The following GRAP variants were observed in gnomAD, a reference collection of about 807,000 sequenced individuals.
The protein encoded by GRAP is GRB2-related adapter protein.
A neutral mutation model predicts 9.1 loss-of-function variants in GRAP; 2 were observed. That is an observed-to-expected ratio of 0.22 (90% confidence interval 0.09 to 0.69). The LOEUF is 0.69. Ranked by LOEUF, GRAP falls within the 30% of genes least tolerant of loss-of-function variation. The pLI is 0.81. For synonymous variants in GRAP, 68 were observed against 73.6 expected (o/e 0.92, Z 0.39); for missense variants, 113 against 179.4 (o/e 0.63, Z 2.12).
rs1181979517 is a variant in GRAP at position 19,024,216 on chromosome 17, T to C, written c.467A>G (p.Lys156Arg). Residue 156 changes from lysine to arginine, a missense_variant and splice_region_variant, in exon 4 of 5, where the codon AAG becomes AGG. By Grantham distance (26) the Lys-to-Arg change is conservative. Coordinates refer to ENST00000284154, the MANE Select transcript of GRAP (RefSeq NM_006613.4). The surrounding 1 kb of genome is among the most constrained non-coding windows in gnomAD (Gnocchi z 4.2). Reference protein sequence around the residue: ...IFLRDEEPLLKSPGACFAQAQ... With the variant: ...IFLRDEEPLLRSPGACFAQAQ... ...AGGCCAGCCCCCACCCGCCCCTACC[T>C]TGAGCAAGGGCTCCTCGTCGCGCAG... 6.3e-7 allele frequency: 1 copy of C among 1,582,428 alleles called. No individual in the cohort carries two copies. The highest frequency in any genetic ancestry group is 8.6e-7 in the Non-Finnish European group (1 of 1,164,768).
upstream of GRAP, among the ~76,000 whole-genome samples, chr17:19,048,420 AT>A (rs1461431487): frequency 9.1e-6 from 1 of 110,296 alleles, no homozygotes; most frequent in African/African-American, 5.7e-5. Flanking sequence ...GTGAAGTCAC[AT>A]TGTTTTTTTT....
In GRAP at chr17:19,022,014, G is replaced by A; in HGVS notation, c.599C>T (p.Ser200Phe). The A allele has an allele frequency of 1.9e-6, 3 of 1,598,408 alleles. No individual in the cohort carries two copies. The highest frequency in any genetic ancestry group is 2.6e-6 in the Non-Finnish European group (3 of 1,173,478). The change falls in exon 5 of 5, where the codon TCC becomes TTC. Residue 200 changes from serine to phenylalanine, a missense_variant. Physicochemically the swap from Ser to Phe is radical, Grantham distance 155. This residue lies in a region of GRAP where 113 missense variants were observed against 163.3 expected (regional missense o/e 0.69). Transcript: ENST00000284154. ...RPDPHWWRGR[S>F]CGRVGFFPRS... ...TGGGAAGAAGCCAACGCGCCCGCAG[G>A]ACCGGCCCCGCCACCAGTGGGGGTC...
chr17:19,030,444 C>G, intron 3 of GRAP: 1 of 122,592 alleles, frequency 8.2e-6, no homozygotes, highest in Non-Finnish European at 1.6e-5. Context: ...GTTTGCCCAT[C>G]TGTGAAAAGG....
chr17:19,022,407 G>A (rs1194202021), intron 4 of GRAP: 3 of 377,778 alleles, frequency 7.9e-6, no homozygotes, highest in East Asian at 7.7e-5. Context: ...GGGCTGGTGG[G>A]TCAGGGGACC....
rs577410357 is a variant in GRAP, at chr17:19,024,135, C to G, written c.468+80G>C. On this transcript the variant is annotated intron_variant, in intron 4 of 4. Coordinates refer to ENST00000284154, the MANE Select transcript of GRAP (RefSeq NM_006613.4). This position sits in a 1 kb window ranked among gnomAD's most constrained non-coding sequence, Gnocchi z 4.2. ...AAGTGAGACCAGGCCCGTGCTTGGC[C>G]TCAGTGTCAGCATCTCCCCTGCTGC... The G allele has an allele frequency of 3.8e-4, 535 of 1,396,654 alleles. 1 individual carries two copies. The highest frequency in any genetic ancestry group is 4.7e-4 in the Non-Finnish European group (477 of 1,014,220). 86.5% of individuals were successfully genotyped at this position (1,396,654 alleles called of 1,614,324 possible).
chr17:19,021,844 T>C lies in GRAP; in HGVS notation c.*115A>G. ...GAGGCAGTTAGGAGCCCACGTTCAG[T>C]CCAAGGCCGTCCACTGAGCCCCGTG... On this transcript the variant is annotated 3_prime_UTR_variant, in exon 5 of 5. Transcript: ENST00000284154. The surrounding 1 kb of genome is among the most constrained non-coding windows in gnomAD (Gnocchi z 4.1). 8.5e-7 allele frequency: 1 copy of C among 1,169,684 alleles called. No individual in the cohort carries two copies. The highest frequency in any genetic ancestry group is 1.9e-5 in the South Asian group (1 of 53,638). The allele number at this position is 1,169,684 out of a possible 1,614,324, so 72.5% of individuals were successfully genotyped here.
In GRAP at chr17:19,024,523, G is replaced by A. The variant is rs1225487573; in HGVS notation, c.300-140C>T. The A allele has an allele frequency of 4.3e-6, 6 of 1,400,194 alleles. No homozygotes were observed. Among genetic ancestry groups the A allele is most frequent in the Non-Finnish European group, 5.7e-6 (6 of 1,057,694 alleles). 86.7% of individuals were successfully genotyped at this position (1,400,194 alleles called of 1,614,324 possible). ...AGTCAGATAAGGTGCAAGTGGGAGAGGCCCCACTGACCCAGCTCCACATGG... is the reference window on the plus strand; with the variant it reads ...AGTCAGATAAGGTGCAAGTGGGAGAAGCCCCACTGACCCAGCTCCACATGG... On this transcript the variant is annotated intron_variant, in intron 3 of 4. Transcript: ENST00000284154. The surrounding 1 kb of genome is among the most constrained non-coding windows in gnomAD (Gnocchi z 4.2).
chr17:19,027,470 G>GCACACA lies in GRAP; in HGVS notation c.300-3088_300-3087insTGTGTG, dbSNP rs778501108. Among the ~76,000 whole-genome samples, 4 of 116,012 alleles carry GCACACA rather than the reference G, an allele frequency of 3.4e-5. No homozygotes were observed. In the East Asian group the frequency reaches 1.1e-3, roughly 32 times the overall value. 76.1% of individuals were successfully genotyped at this position (116,012 alleles called of 152,430 possible). A position where few individuals can be genotyped will look rare whatever the true frequency, so the allele number is the denominator to read the frequency against. On this transcript the variant is annotated intron_variant, in intron 3 of 4. Transcript: ENST00000284154. ...CACTTGATGCCTTGATGGGACACAT[G>GCACACA]CGCGCGCGCGCGCGCACACACACAC...
rs2044294240 is a variant in GRAP at position 19,024,119 on chromosome 17, C to T, written c.468+96G>A. 1.6e-6 allele frequency: 2 copies of T among 1,244,080 alleles called. No homozygotes were observed. Among genetic ancestry groups the T allele is most frequent in the Non-Finnish European group, 2.3e-6 (2 of 883,100 alleles). 77.1% of individuals were successfully genotyped at this position (1,244,080 alleles called of 1,614,324 possible). On this transcript the variant is annotated intron_variant, in intron 4 of 4. Transcript: ENST00000284154. This position sits in a 1 kb window ranked among gnomAD's most constrained non-coding sequence, Gnocchi z 4.2. ...TACCAGGCTGCTGGGGAAGTGAGAC[C>T]AGGCCCGTGCTTGGCCTCAGTGTCA...
At position 19,024,554 on chromosome 17, in the gene GRAP, G is replaced by A. The variant is rs2044298214; in HGVS notation, c.300-171C>T. ...ACTGACCCAGCTCCACATGGGGTCT[G>A]GGGAGTCCCATCTGGCAGTGGAATA... On this transcript the variant is annotated intron_variant, in intron 3 of 4. Coordinates refer to ENST00000284154, the MANE Select transcript of GRAP (RefSeq NM_006613.4). The surrounding 1 kb of genome is among the most constrained non-coding windows in gnomAD (Gnocchi z 4.2). 2 of 726,062 alleles carry A rather than the reference G, an allele frequency of 2.8e-6. No individual in the cohort carries two copies. Among genetic ancestry groups the A allele is most frequent in the Admixed American group, 1.3e-4 (2 of 15,952 alleles). 45.0% of individuals were successfully genotyped at this position (726,062 alleles called of 1,614,324 possible).
At position 19,024,244 on chromosome 17, in the gene GRAP, A is replaced by G; in HGVS notation, c.439T>C (p.Phe147Leu). Residue 147 changes from phenylalanine to leucine, a missense_variant, in exon 4 of 5, where the codon TTC becomes CTC. Physicochemically the swap from Phe to Leu is conservative, Grantham distance 22. This residue lies in a region of GRAP where 113 missense variants were observed against 163.3 expected (regional missense o/e 0.69). Coordinates refer to ENST00000284154, the MANE Select transcript of GRAP (RefSeq NM_006613.4). The surrounding 1 kb of genome is among the most constrained non-coding windows in gnomAD (Gnocchi z 4.2). ...AGCAAGGGCTCCTCGTCGCGCAGGA[A>G]GATCTGCCGCTTCTTGGCGATGGTG... ...TTTIAKKRQI[F>L]LRDEEPLLKS... is the part of the protein sequence containing the mutation. 6.2e-7 allele frequency: 1 copy of G among 1,600,538 alleles called. No homozygotes were observed. The highest frequency in any genetic ancestry group is 8.5e-7 in the Non-Finnish European group (1 of 1,173,592).
chr17:19,042,013 C>T (rs1178597146), intron 1 of GRAP, 109 bp from the exon 2 acceptor site: 1 of 655,514 alleles, frequency 1.5e-6, no homozygotes, highest in African/African-American at 1.8e-5. Flanking sequence ...GCACCAGCTT[C>T]TGTGCCTACT....
chr17:19,048,115 G>A (rs1280847319), upstream of GRAP, among the ~76,000 whole-genome samples: 3 of 103,262 alleles, frequency 2.9e-5, no homozygotes, highest in African/African-American at 1.0e-4. Context: ...GCCTGAGATT[G>A]CGCCATTGCA....
Position 19,027,470 on chromosome 17 carries a change from G to GCACA in GRAP, c.300-3088_300-3087insTGTG, listed in dbSNP as rs778501108. On this transcript the variant is annotated intron_variant, in intron 3 of 4. Coordinates refer to ENST00000284154, the MANE Select transcript of GRAP (RefSeq NM_006613.4). ...CACTTGATGCCTTGATGGGACACATGCGCGCGCGCGCGCGCACACACACAC... is the reference window on the plus strand; with the variant it reads ...CACTTGATGCCTTGATGGGACACATGCACACGCGCGCGCGCGCGCACACACACAC... 2.2e-4 allele frequency among the ~76,000 whole-genome samples: 26 copies of GCACA among 116,010 alleles called. 1 individual carries two copies. The East Asian group carries it at 5.5e-3, about 24-fold the overall frequency. 76.1% of individuals were successfully genotyped at this position (116,010 alleles called of 152,430 possible). A position where few individuals can be genotyped will look rare whatever the true frequency, so the allele number is the denominator to read the frequency against.
chr17:19,021,160 G>A lies in GRAP; in HGVS notation c.*799C>T, dbSNP rs1286892548. The stretch of plus-strand genomic sequence containing the variant: ...TGGCCCCAACTTTCTGTCTGCCCTG[G>A]AGGTTTCTCAGCCTCCTGAGAGCTC... On this transcript the variant is annotated 3_prime_UTR_variant, in exon 5 of 5. Transcript: ENST00000284154. This position sits in a 1 kb window ranked among gnomAD's most constrained non-coding sequence, Gnocchi z 4.1. The A allele has an allele frequency of 2.0e-5, 3 of 152,320 alleles. No individual in the cohort carries two copies. Among genetic ancestry groups the A allele is most frequent in the Non-Finnish European group, 4.4e-5 (3 of 68,130 alleles). The allele number at this position is 152,320 out of a possible 1,614,324, so 9.4% of individuals were successfully genotyped here. A position where few individuals can be genotyped will look rare whatever the true frequency, so the allele number is the denominator to read the frequency against.
At position 19,024,268 on chromosome 17, in the gene GRAP, T is replaced by C. The variant is rs1464909580; in HGVS notation, c.415A>G (p.Thr139Ala). The C allele has an allele frequency of 5.0e-6, 8 of 1,606,348 alleles. No homozygotes were observed. Among genetic ancestry groups the C allele is most frequent in the Non-Finnish European group, 6.8e-6 (8 of 1,176,398 alleles). ...AAGATCTGCCGCTTCTTGGCGATGGTGGTGGTGCGGTAGAAGTCGACCAGC... is the reference window on the plus strand; with the variant it reads ...AAGATCTGCCGCTTCTTGGCGATGGCGGTGGTGCGGTAGAAGTCGACCAGC... ...NELVDFYRTTTIAKKRQIFLR... is the reference protein window; with the variant it reads ...NELVDFYRTTAIAKKRQIFLR... Residue 139 changes from threonine (T) to alanine (A), a missense_variant, in exon 4 of 5, where the codon ACC (threonine) becomes GCC (alanine). Thr to Ala is a moderately conservative substitution (Grantham distance 58). Around this residue, in one of 2 missense-constraint regions of GRAP, gnomAD observed 113 missense variants for 163.3 expected, o/e 0.69. Transcript: ENST00000284154. The surrounding 1 kb of genome is among the most constrained non-coding windows in gnomAD (Gnocchi z 4.2).
chr17:19,024,164 T>C lies in GRAP; in HGVS notation c.468+51A>G, dbSNP rs560122120. ...GTGTCAGCATCTCCCCTGCTGCAGA[T>C]GGCAGGAGGTGCAGAGAGGCTCCCA... On this transcript the variant is annotated intron_variant, in intron 4 of 4. Coordinates refer to ENST00000284154, the MANE Select transcript of GRAP (RefSeq NM_006613.4). This position sits in a 1 kb window ranked among gnomAD's most constrained non-coding sequence, Gnocchi z 4.2. The C allele has an allele frequency of 4.6e-6, 7 of 1,508,858 alleles. No homozygotes were observed. Among genetic ancestry groups the C allele is most frequent in the East Asian group, 4.9e-5 (2 of 40,730 alleles). The allele number at this position is 1,508,858 out of a possible 1,614,324, so 93.5% of individuals were successfully genotyped here. A position where few individuals can be genotyped will look rare whatever the true frequency, so the allele number is the denominator to read the frequency against.
chr17:19,031,609 TATC>T (rs1424593054), intron 3 of GRAP: 1 of 136,910 alleles, frequency 7.3e-6, no homozygotes, highest in African/African-American at 2.7e-5. Context: ...AACTGGCACT[TATC>T]ATGTGCCAGT....
chr17:19,024,116 G>T lies in GRAP; in HGVS notation c.468+99C>A. 8.2e-7 allele frequency: 1 copy of T among 1,223,206 alleles called. No individual in the cohort carries two copies. Among genetic ancestry groups the T allele is most frequent in the Non-Finnish European group, 1.2e-6 (1 of 864,614 alleles). The allele number at this position is 1,223,206 out of a possible 1,614,324, so 75.8% of individuals were successfully genotyped here. ...CAATACCAGGCTGCTGGGGAAGTGA[G>T]ACCAGGCCCGTGCTTGGCCTCAGTG... On this transcript the variant is annotated intron_variant, in intron 4 of 4. Transcript: ENST00000284154. This position sits in a 1 kb window ranked among gnomAD's most constrained non-coding sequence, Gnocchi z 4.2.
Sources: allele counts gnomAD v4.1 joint callset (sites outside exome capture counted in the v4.1 genomes callset), GRCh38; gene constraint gnomAD v4.1.1; regional missense constraint gnomAD v4.1.1; non-coding constraint Gnocchi (gnomAD v3.1); transcripts MANE v1.5; gene names NCBI Gene and HGNC (gene_info 2026-07-23, HGNC 2026-07-21).